SNX13: variants seen among roughly 807,000 people sequenced by gnomAD.
The protein encoded by SNX13 is sorting nexin-13.
Under a neutral mutation model 133.6 loss-of-function variants are expected in SNX13, and 45 were observed. The ratio of observed to expected loss-of-function variants is 0.34; its 90% CI spans 0.27 to 0.43. The LOEUF (loss-of-function observed/expected upper bound fraction) is 0.43. Ranked by LOEUF, SNX13 falls within the 20% of genes least tolerant of loss-of-function variation. The probability of loss-of-function intolerance (pLI) is 1.00; values close to 1 mark genes in which losing one functional copy is unlikely to be tolerated. For missense variants in SNX13, 1,032 were observed against 1,145.1 expected, an observed-to-expected ratio of 0.90 and a Z score of 1.43; for synonymous variants, 414 against 373.9, an observed-to-expected ratio of 1.11 and a Z score of -1.24.
intron 16 of SNX13, among the ~76,000 whole-genome samples, chr7:17,827,850 T>A (rs1401731637): frequency 2.6e-5 from 4 of 151,950 alleles, no homozygotes; most frequent in South Asian, 4.1e-4. Context: ...ACTTCAATAT[T>A]TTTATGTGAA....
At chr7:17,927,159 CAT>C (rs561508573) in intron 1 of SNX13, among the ~76,000 whole-genome samples, 62 of 150,482 alleles carry the variant, frequency 4.1e-4, no homozygotes, top group Admixed American at 2.3e-3. Context: ...ATATACATTA[CAT>C]ATATGTTTAT....
intron 21 of SNX13, among the ~76,000 whole-genome samples, chr7:17,801,973 G>C (rs931834779): frequency 6.6e-6 from 1 of 151,938 alleles, no homozygotes; most frequent in Non-Finnish European, 1.5e-5. Context: ...GTCATGCATC[G>C]CATAATGACG....
At chr7:17,934,465 A>C (rs916475891) in intron 1 of SNX13, among the ~76,000 whole-genome samples, 1 of 152,180 alleles carries the variant, frequency 6.6e-6, no homozygotes, top group Admixed American at 6.5e-5. Flanking sequence ...TTTCCAGAGG[A>C]GACTGAGATT....
intron 11 of SNX13, among the ~76,000 whole-genome samples, chr7:17,849,908 T>A (rs1163004048): frequency 6.6e-6 from 1 of 152,228 alleles, no homozygotes; most frequent in Admixed American, 6.5e-5. Context: ...GCTTTATTAC[T>A]GTTTTTTGCA....
At chr7:17,831,270 G>C in intron 15 of SNX13, 1 of 979,538 alleles carries the variant, frequency 1.0e-6, no homozygotes, top group Non-Finnish European at 1.2e-6. Context: ...GAAAACAAAA[G>C]AAAGCACTGT....
At chr7:17,826,136 G>T in intron 16 of SNX13, 45 bp from the exon 17 acceptor site, 1 of 1,254,412 alleles carries the variant, frequency 8.0e-7, no homozygotes, top group Non-Finnish European at 1.1e-6. Context: ...ATTTTATAGG[G>T]AAAAAAAAGA....
intron 8 of SNX13, among the ~76,000 whole-genome samples, chr7:17,872,637 A>G (rs1436566036): frequency 1.3e-5 from 2 of 152,210 alleles, no homozygotes; most frequent in African/African-American, 2.4e-5. Context: ...TGAGAAGTAC[A>G]CTGAACCCCA....
chr7:17,798,863 C>A, intron 23 of SNX13, 105 bp from the exon 24 acceptor site: 2 of 1,217,652 alleles, frequency 1.6e-6, no homozygotes, highest in South Asian at 1.4e-5. Context: ...GTAAATTATC[C>A]CTGAGAGCAA....
At chr7:17,821,844 T>TA (rs1260970794) in intron 17 of SNX13, 196 bp from the exon 18 acceptor site, 18 of 584,998 alleles carry the variant, frequency 3.1e-5, no homozygotes, top group Non-Finnish European at 4.3e-5. Flanking sequence ...TTCACATCCA[T>TA]AAGGTATTAC....
intron 5 of SNX13, chr7:17,882,040 C>T (rs1246238966): frequency 1.3e-5 from 2 of 152,150 alleles, no homozygotes; most frequent in Non-Finnish European, 2.9e-5. Context: ...CATTCCTGAA[C>T]TTAAAGTTAA....
chr7:17,815,001 A>AT, intron 19 of SNX13, 57 bp from the exon 20 acceptor site: 3 of 1,347,898 alleles, frequency 2.2e-6, no homozygotes, highest in Non-Finnish European at 2.9e-6. Flanking sequence ...AATGCTAGAA[A>AT]TTACCATTGT....
At position 17,809,500 on chromosome 7, in the gene SNX13, G is replaced by C. The variant is rs549446305; in HGVS notation, c.2064+5334C>G. Among the ~76,000 whole-genome samples, 556 of 152,196 alleles carry C rather than the reference G, an allele frequency of 3.7e-3. 5 individuals are homozygous for C. The highest frequency in any genetic ancestry group is 0.013 in the African/African-American group (531 of 41,526). On this transcript the variant is annotated intron_variant, in intron 20 of 25. Transcript: ENST00000428135. ...AGCAAGAGACCTACAAAGAGACTTA[G>C]AGTCCCACACAATAATAGTGGAAGA... is the stretch of plus-strand genomic sequence containing the variant.
chr7:17,877,826 C>T (rs1794897452), intron 5 of SNX13, among the ~76,000 whole-genome samples: 1 of 151,842 alleles, frequency 6.6e-6, no homozygotes, highest in South Asian at 2.1e-4. Context: ...GTACCGATAT[C>T]TTATCTCTTT....
At chr7:17,939,375 T>C (rs1802488780) in intron 1 of SNX13, among the ~76,000 whole-genome samples, 1 of 152,196 alleles carries the variant, frequency 6.6e-6, no homozygotes, top group Non-Finnish European at 1.5e-5. Context: ...TTTCATCAAA[T>C]CACAAGGTTC....
Position 17,940,493 on chromosome 7 carries a change from G to A in SNX13, c.-198C>T, listed in dbSNP as rs745327429. On this transcript the variant is annotated 5_prime_UTR_variant, in exon 1 of 26. Transcript: ENST00000428135. Reference sequence around the variant, plus strand: ...ACGGACGCGCCGCCATCTTGGAAGAGCGACGTCCGCGTCTCGCTGCAACGT... The same window carrying A: ...ACGGACGCGCCGCCATCTTGGAAGAACGACGTCCGCGTCTCGCTGCAACGT... 7.0e-6 allele frequency: 5 copies of A among 711,530 alleles called. No homozygotes were observed. Among genetic ancestry groups the A allele is most frequent in the East Asian group, 2.7e-5 (1 of 37,318 alleles). The allele number at this position is 711,530 out of a possible 1,614,324, so 44.1% of individuals were successfully genotyped here. A position where few individuals can be genotyped will look rare whatever the true frequency, so the allele number is the denominator to read the frequency against.
chr7:17,905,144 A>T (rs1478456266), intron 1 of SNX13, among the ~76,000 whole-genome samples: 1 of 152,202 alleles, frequency 6.6e-6, no homozygotes, highest in Non-Finnish European at 1.5e-5. Flanking sequence ...GTGCAGCAAC[A>T]TATGCATGGC....
At chr7:17,845,454 A>G in intron 12 of SNX13, 141 bp downstream of exon 12, 1 of 562,516 alleles carries the variant, frequency 1.8e-6, no homozygotes, top group Non-Finnish European at 3.1e-6. Flanking sequence ...GAGACTCTGT[A>G]CAACATCATG....
intron 16 of SNX13, 94 bp from the exon 17 acceptor site, chr7:17,826,185 AT>A (rs1787893182): frequency 3.0e-6 from 2 of 668,758 alleles, no homozygotes; most frequent in African/African-American, 1.8e-5. Context: ...ACAATTACTC[AT>A]TTCCCTGCAT....
chr7:17,910,664 A>T (rs908034259), intron 1 of SNX13, among the ~76,000 whole-genome samples: 13 of 152,346 alleles, frequency 8.5e-5, no homozygotes, highest in African/African-American at 2.4e-4. Flanking sequence ...AAATGCCCCA[A>T]ATGTTTATCA....
Sources: gnomAD v4.1 joint callset for allele counts (sites outside exome capture counted in the v4.1 genomes callset) on GRCh38, gnomAD v4.1.1 for gene constraint, MANE v1.5 for transcripts, NCBI Gene and HGNC (gene_info 2026-07-23, HGNC 2026-07-21) for gene names.